Variants in PLEKHM3 observed in about 807,000 individuals in gnomAD.
The protein encoded by PLEKHM3 is pleckstrin homology domain containing M3.
A neutral mutation model predicts 81.8 loss-of-function variants in PLEKHM3; 45 were observed. The ratio of observed to expected loss-of-function variants is 0.55; its 90% confidence interval spans 0.43 to 0.71. The LOEUF (loss-of-function observed/expected upper bound fraction) is 0.71. PLEKHM3 is among the 30% of genes least tolerant of loss of function. The pLI is 0.00. For synonymous variants in PLEKHM3, 352 were observed against 356.4 expected, an observed-to-expected ratio of 0.99 and a Z score of 0.14; for missense variants, 788 against 924.3, an observed-to-expected ratio of 0.85 and a Z score of 1.91.
chr2:207,923,855 G>GCACACACACACACACA (rs1157865708), intron 5 of PLEKHM3, among the ~76,000 whole-genome samples: 26 of 18,886 alleles, frequency 1.4e-3, no homozygotes, highest in African/African-American at 3.5e-3. Context: ...ACACACGCAC[G>GCACACACACACACACA]CACACACACA....
chr2:208,024,640 A>C (rs913748253), intron 1 of PLEKHM3, among the ~76,000 whole-genome samples: 1 of 152,268 alleles, frequency 6.6e-6, no homozygotes, highest in Non-Finnish European at 1.5e-5. Flanking sequence ...ATAAATACAA[A>C]TCACAACTCA....
At position 207,946,401 on chromosome 2, in the gene PLEKHM3, C is replaced by A; in HGVS notation, c.1658G>T (p.Arg553Leu). Reference protein sequence around the residue: ...HVDDSFLIPARIVHNWDTSKY... With the variant: ...HVDDSFLIPALIVHNWDTSKY... Reference sequence around the variant, plus strand: ...TGAAGTATCCCAGTTGTGGACTATGCGTGCTGGAATGAGAAAGCTGTCATC... The same window carrying A: ...TGAAGTATCCCAGTTGTGGACTATGAGTGCTGGAATGAGAAAGCTGTCATC... Residue 553 changes from arginine to leucine, a missense_variant, in exon 4 of 8, where the codon CGC (arginine) becomes CTC (leucine). Transcript: ENST00000427836. The A allele has an allele frequency of 6.2e-7, 1 of 1,614,104 alleles. No homozygotes were observed. The highest frequency in any genetic ancestry group is 1.1e-5 in the South Asian group (1 of 91,074).
intron 1 of PLEKHM3, among the ~76,000 whole-genome samples, chr2:208,011,525 C>T (rs1574490436): frequency 6.6e-6 from 1 of 151,928 alleles, no homozygotes; most frequent in East Asian, 1.9e-4. Flanking sequence ...AACCAAACAT[C>T]GTATGTTCTC....
Position 207,911,078 on chromosome 2 carries a change from G to T in PLEKHM3, c.1887-2501C>A, listed in dbSNP as rs370959990. ...GCCTGTGTGGGGAACAGCAAGCATG[G>T]ACCTGGGCCTGAGATGTAGAAGACC... is the stretch of plus-strand genomic sequence containing the variant. On this transcript the variant is annotated intron_variant, in intron 5 of 7. Transcript: ENST00000427836. Among the ~76,000 whole-genome samples, 122 of 152,240 alleles carry T rather than the reference G, an allele frequency of 8.0e-4. 3 individuals are homozygous for T. The South Asian group carries it at 0.025, about 31-fold the overall frequency.
chr2:208,013,049 G>A (rs564752303), intron 1 of PLEKHM3, among the ~76,000 whole-genome samples: 1 of 152,176 alleles, frequency 6.6e-6, no homozygotes, highest in African/African-American at 2.4e-5. Flanking sequence ...AGTATACAAA[G>A]GTGTTATACA....
intron 2 of PLEKHM3, among the ~76,000 whole-genome samples, chr2:207,999,659 T>C (rs1692232079): frequency 6.6e-6 from 1 of 152,196 alleles, no homozygotes; most frequent in East Asian, 1.9e-4. Flanking sequence ...TTCTTTTTAC[T>C]CCCATGGTCA....
intron 2 of PLEKHM3, among the ~76,000 whole-genome samples, chr2:207,995,831 G>C (rs1692101985): frequency 1.3e-5 from 2 of 152,124 alleles, no homozygotes; most frequent in Non-Finnish European, 2.9e-5. Flanking sequence ...TGTTAATCTG[G>C]TTCATGTATT....
At position 207,879,987 on chromosome 2, in the gene PLEKHM3, T is replaced by A. The variant is rs755053865; in HGVS notation, c.1951-18725A>T. ...ACTTGTCAGGAAGTGGCTCTGTAATTGCTTCCTGACAAGTTCTGGCAGCAT... is the reference window on the plus strand; with the variant it reads ...ACTTGTCAGGAAGTGGCTCTGTAATAGCTTCCTGACAAGTTCTGGCAGCAT... On this transcript the variant is annotated intron_variant, in intron 6 of 7. Coordinates refer to ENST00000427836, the MANE Select transcript of PLEKHM3 (RefSeq NM_001080475.3). 5.3e-4 allele frequency among the ~76,000 whole-genome samples: 81 copies of A among 152,350 alleles called. 1 individual carries two copies. Among genetic ancestry groups the A allele is most frequent in the Middle Eastern group, 6.8e-3 (2 of 294 alleles).
chr2:207,975,780 A>G (rs1691288207), intron 3 of PLEKHM3, among the ~76,000 whole-genome samples: 1 of 151,748 alleles, frequency 6.6e-6, no homozygotes, highest in Non-Finnish European at 1.5e-5. Flanking sequence ...CACTTTTAGT[A>G]GAGATGGGGT....
At chr2:207,871,345 G>A (rs994868993) in intron 6 of PLEKHM3, among the ~76,000 whole-genome samples, 4 of 152,094 alleles carry the variant, frequency 2.6e-5, no homozygotes, top group African/African-American at 9.7e-5. Context: ...GCACTTTACT[G>A]AGGGTGGATT....
intron 3 of PLEKHM3, among the ~76,000 whole-genome samples, chr2:207,959,737 G>A (rs1690668425): frequency 6.6e-6 from 1 of 152,118 alleles, no homozygotes; most frequent in Non-Finnish European, 1.5e-5. Flanking sequence ...GAGCCATTTT[G>A]GTAATGATAA....
At chr2:207,912,762 A>G (rs1325859000) in intron 5 of PLEKHM3, among the ~76,000 whole-genome samples, 1 of 152,240 alleles carries the variant, frequency 6.6e-6, no homozygotes, top group Non-Finnish European at 1.5e-5. Flanking sequence ...ATTTAGAAAT[A>G]GGGACTCACT....
Position 207,982,403 on chromosome 2 carries a change from G to A in PLEKHM3, c.611-4817C>T, listed in dbSNP as rs555333219. ...TCCAAGATCAGTCTCCAGAGTGGCTGGGACTACAGGTATGCACTACCACAC... is the reference window on the plus strand; with the variant it reads ...TCCAAGATCAGTCTCCAGAGTGGCTAGGACTACAGGTATGCACTACCACAC... On this transcript the variant is annotated intron_variant, in intron 2 of 7. Coordinates refer to ENST00000427836, the MANE Select transcript of PLEKHM3 (RefSeq NM_001080475.3). Among the ~76,000 whole-genome samples, 8 of 152,050 alleles carry A rather than the reference G, an allele frequency of 5.3e-5. No individual in the cohort carries two copies. In the East Asian group the frequency reaches 1.6e-3, roughly 29 times the overall value.
At chr2:207,969,174 A>G (rs1202863688) in intron 3 of PLEKHM3, among the ~76,000 whole-genome samples, 2 of 152,328 alleles carry the variant, frequency 1.3e-5, no homozygotes, top group East Asian at 3.9e-4. Context: ...CTACCTTAGA[A>G]CTTCTTGTTT....
intron 3 of PLEKHM3, among the ~76,000 whole-genome samples, chr2:207,956,718 ATTTTT>A (rs1170073686): frequency 5.8e-5 from 4 of 69,146 alleles, no homozygotes; most frequent in Non-Finnish European, 8.5e-5. Flanking sequence ...GCTGATTAAA[ATTTTT>A]TTTTTTTTTT....
rs574135036 is a variant in PLEKHM3 at position 207,990,725 on chromosome 2, G to A, written c.610+10305C>T. ...GCTCCACAGGCCCTCGTACAGTGTT[G>A]GCCAGTGGAGTACACAGATGGTATT... On this transcript the variant is annotated intron_variant, in intron 2 of 7. Coordinates refer to ENST00000427836, the MANE Select transcript of PLEKHM3 (RefSeq NM_001080475.3). 5.1e-4 allele frequency among the ~76,000 whole-genome samples: 77 copies of A among 152,172 alleles called. 1 individual carries two copies. Among genetic ancestry groups the A allele is most frequent in the African/African-American group, 1.8e-3 (74 of 41,504 alleles).
chr2:207,874,342 AG>A (rs908699708), intron 6 of PLEKHM3, among the ~76,000 whole-genome samples: 4 of 152,148 alleles, frequency 2.6e-5, no homozygotes, highest in Non-Finnish European at 5.9e-5. Context: ...TGGGAGGCCG[AG>A]GTGGGCGGAT....
chr2:207,907,251 C>G (rs1394704677), intron 6 of PLEKHM3, among the ~76,000 whole-genome samples: 2 of 152,090 alleles, frequency 1.3e-5, no homozygotes, highest in Non-Finnish European at 2.9e-5. Context: ...TCTGTAATAC[C>G]AGCACTTTAG....
At chr2:207,942,946 A>T (rs1399346205) in intron 4 of PLEKHM3, among the ~76,000 whole-genome samples, 1 of 152,188 alleles carries the variant, frequency 6.6e-6, no homozygotes, top group Non-Finnish European at 1.5e-5. Flanking sequence ...GACAAGACAA[A>T]TATCACATAT....
Sources: allele counts gnomAD v4.1 joint callset (sites outside exome capture counted in the v4.1 genomes callset), GRCh38; gene constraint gnomAD v4.1.1; transcripts MANE v1.5; gene names NCBI Gene and HGNC (gene_info 2026-07-23, HGNC 2026-07-21).